The following USH2A variants were observed in gnomAD, a reference collection of about 807,000 sequenced individuals.
USH2A encodes the protein Usher syndrome 2A (autosomal recessive, mild).
USH2A carries 443 observed loss-of-function variants against 538.9 expected under a neutral mutation model. That is an observed-to-expected ratio of 0.82 (90% CI 0.76 to 0.89). The LOEUF is 0.89. Among genes scored for constraint, USH2A ranks in the 40% least tolerant of loss-of-function variants. The probability of loss-of-function intolerance (pLI) is 0.00; values close to 1 mark genes in which losing one functional copy is unlikely to be tolerated. For missense variants in USH2A, 6,633 were observed against 6,324.8 expected (o/e 1.05, Z -1.65); for synonymous variants, 2,413 against 2,273.5 (o/e 1.06, Z -1.75).
At chr1:216,223,066 T>G (rs557576144) in intron 14 of USH2A, among the ~76,000 whole-genome samples, 1 of 150,048 alleles carries the variant, frequency 6.7e-6, no homozygotes, top group African/African-American at 2.5e-5. Context: ...AGAATCTCCA[T>G]AAGAAACACA....
chr1:216,209,825 T>A (rs2035200040), intron 15 of USH2A, among the ~76,000 whole-genome samples: 2 of 152,326 alleles, frequency 1.3e-5, no homozygotes, highest in African/African-American at 4.8e-5. Context: ...CAGTCTTTTG[T>A]TACAATATTG....
chr1:216,084,000 C>T (rs958664797), intron 25 of USH2A, among the ~76,000 whole-genome samples: 5 of 152,046 alleles, frequency 3.3e-5, no homozygotes, highest in Non-Finnish European at 5.9e-5. Context: ...GTTTAAGCAA[C>T]TTAATAACCA....
intron 13 of USH2A, among the ~76,000 whole-genome samples, chr1:216,238,387 C>T (rs2035871114): frequency 1.3e-5 from 2 of 152,104 alleles, no homozygotes; most frequent in African/African-American, 4.8e-5. Flanking sequence ...GTGCCTACTG[C>T]TGAACATTAT....
intron 3 of USH2A, among the ~76,000 whole-genome samples, chr1:216,408,445 T>G (rs895886186): frequency 1.3e-5 from 2 of 152,278 alleles, no homozygotes; most frequent in Non-Finnish European, 2.9e-5. Context: ...ATATGCTATG[T>G]TTTTTCCTAT....
At chr1:215,721,185 C>G (rs1376940238) in intron 61 of USH2A, among the ~76,000 whole-genome samples, 1 of 152,124 alleles carries the variant, frequency 6.6e-6, no homozygotes, top group African/African-American at 2.4e-5. Context: ...AGAAATTCCC[C>G]TGCCTCAGCC....
intron 44 of USH2A, among the ~76,000 whole-genome samples, chr1:215,856,838 T>TGTGTGG (rs1553269578): frequency 8.0e-4 from 69 of 86,672 alleles, no homozygotes; most frequent in African/African-American, 5.9e-3. Context: ...ATTTGGTGTG[T>TGTGTGG]GTGTGTGTGT....
In USH2A at chr1:216,283,341, C is replaced by T. The variant is rs145924171; in HGVS notation, c.1971+5939G>A. ...TGCTGACCTCGTGATCCACCCGCCTCGGCTTCCCAAAGTGCTGGGATTACA... is the reference window on the plus strand; with the variant it reads ...TGCTGACCTCGTGATCCACCCGCCTTGGCTTCCCAAAGTGCTGGGATTACA... On this transcript the variant is annotated intron_variant, in intron 11 of 71. Coordinates refer to ENST00000307340, the MANE Select transcript of USH2A (RefSeq NM_206933.4). 2.5e-4 allele frequency among the ~76,000 whole-genome samples: 38 copies of T among 152,308 alleles called. No individual in the cohort carries two copies. In the East Asian group the frequency reaches 6.2e-3, roughly 25 times the overall value.
At chr1:216,222,225 G>A (rs1572064069) in intron 14 of USH2A, among the ~76,000 whole-genome samples, 1 of 152,286 alleles carries the variant, frequency 6.6e-6, no homozygotes, top group African/African-American at 2.4e-5. Context: ...TATAAAGGAT[G>A]AGATAGTAAA....
chr1:216,070,276 T>A lies in USH2A; in HGVS notation c.5874A>T (p.Pro1958=), dbSNP rs746686260. The change falls in exon 30 of 72, where the codon CCA becomes CCT. Residue 1958 remains proline (P), a synonymous_variant. Transcript: ENST00000307340. ...TTAAGCTGCGGACTCTTGAGGGAGT[T>A]GGCACACTTTGTGGAGCTGTGAAGG... The part of the protein sequence containing the change: ...RTTGAAPQSV[P]TPSRVRSLNG... 1 of 1,613,924 alleles carries A rather than the reference T, an allele frequency of 6.2e-7. No individual in the cohort carries two copies. Among genetic ancestry groups the A allele is most frequent in the South Asian group, 1.1e-5 (1 of 91,082 alleles).
chr1:215,948,136 C>A (rs1034614720), intron 37 of USH2A, among the ~76,000 whole-genome samples: 1 of 151,896 alleles, frequency 6.6e-6, no homozygotes, highest in African/African-American at 2.4e-5. Context: ...TTTTTGTTCC[C>A]AATTTCTTAT....
At chr1:215,789,435 A>G (rs1322535439) in intron 51 of USH2A, among the ~76,000 whole-genome samples, 2 of 152,192 alleles carry the variant, frequency 1.3e-5, no homozygotes, top group East Asian at 3.9e-4. Context: ...TAAAGTGTCC[A>G]TGGTCCTTTC....
chr1:216,255,675 T>A (rs1189752732), intron 11 of USH2A, among the ~76,000 whole-genome samples: 1 of 152,196 alleles, frequency 6.6e-6, no homozygotes, highest in Non-Finnish European at 1.5e-5. Context: ...ATGTTTTGTG[T>A]AGGCCTGAAA....
chr1:216,082,072 T>A (rs2031967449), intron 26 of USH2A, among the ~76,000 whole-genome samples: 1 of 152,100 alleles, frequency 6.6e-6, no homozygotes, highest in African/African-American at 2.4e-5. Flanking sequence ...ATGGTAAACA[T>A]CTTTGTATCC....
chr1:216,140,918 C>CA (rs1476021543), intron 21 of USH2A, among the ~76,000 whole-genome samples: 2 of 152,230 alleles, frequency 1.3e-5, no homozygotes, highest in Non-Finnish European at 2.9e-5. Context: ...TTTTTCCCAG[C>CA]ATTGGCTCTG....
intron 21 of USH2A, among the ~76,000 whole-genome samples, chr1:216,171,341 C>G (rs1349545799): frequency 6.6e-6 from 1 of 151,922 alleles, no homozygotes; most frequent in Non-Finnish European, 1.5e-5. Context: ...CAAGATTAGA[C>G]ACTCAGAAAA....
intron 35 of USH2A, among the ~76,000 whole-genome samples, chr1:215,980,634 T>C (rs539664539): frequency 1.3e-5 from 2 of 152,234 alleles, no homozygotes; most frequent in South Asian, 4.1e-4. Flanking sequence ...TGTCCTTGCT[T>C]TTCTACTGAG....
In USH2A at chr1:215,845,871, A is replaced by G. The variant is rs138574386; in HGVS notation, c.9008T>C (p.Val3003Ala). The G allele has an allele frequency of 1.8e-4, 291 of 1,613,746 alleles. No individual in the cohort carries two copies. The Middle Eastern group carries it at 4.1e-3, about 23-fold the overall frequency. The part of the protein sequence containing the change: ...YWIFISVFNG[V>A]HSINSAGLHA... ...AAGTCCTGCACTGTTGATGCTGTGG[A>G]CTCCATTGAAGACAGAGATAAAGAT... Residue 3003 changes from valine to alanine, a missense_variant, in exon 45 of 72, where the codon GTC (valine) becomes GCC (alanine). By Grantham distance (64) the Val-to-Ala change is moderately conservative (BLOSUM62 0). Coordinates refer to ENST00000307340, the MANE Select transcript of USH2A (RefSeq NM_206933.4).
rs1571647394 is a variant in USH2A, at chr1:215,749,076, T to A, written c.11390-5741A>T. On this transcript the variant is annotated intron_variant, in intron 58 of 71. Transcript: ENST00000307340. ...GTTATCTAGTTTTATTTTTTATGTGTACTTGGATATGATCAAATTGCATTC... is the reference window on the plus strand; with the variant it reads ...GTTATCTAGTTTTATTTTTTATGTGAACTTGGATATGATCAAATTGCATTC... Among the ~76,000 whole-genome samples the A allele has an allele frequency of 2.0e-5, 3 of 152,340 alleles. No homozygotes were observed. In the South Asian group the frequency reaches 6.2e-4, roughly 32 times the overall value.
intron 13 of USH2A, among the ~76,000 whole-genome samples, chr1:216,240,143 G>C (rs920061401): frequency 5.9e-5 from 9 of 151,922 alleles, no homozygotes; most frequent in Non-Finnish European, 1.0e-4. Flanking sequence ...TGTAACTCTA[G>C]ACAGAAAGGT....
Sources: allele counts gnomAD v4.1 joint callset (sites outside exome capture counted in the v4.1 genomes callset), GRCh38; gene constraint gnomAD v4.1.1; transcripts MANE v1.5; gene names NCBI Gene and HGNC (gene_info 2026-07-23, HGNC 2026-07-21).